MTA3: variants seen among roughly 807,000 people sequenced by gnomAD.
MTA3 encodes metastasis-associated protein MTA3.
A neutral mutation model predicts 83.5 loss-of-function variants in MTA3; 34 were observed. The observed-to-expected ratio is 0.41, with a 90% CI of 0.31 to 0.54. The LOEUF (loss-of-function observed/expected upper bound fraction) is 0.54, where lower values mean the gene tolerates loss of function less well. MTA3 is among the 20% of genes least tolerant of loss of function. MTA3 has a pLI of 0.33. For synonymous variants in MTA3, 303 were observed against 252.7 expected, an observed-to-expected ratio of 1.20 and a Z score of -1.89; for missense variants, 761 against 726.4, an observed-to-expected ratio of 1.05 and a Z score of -0.55.
chr2:42,679,643 A>G (rs2104430056), intron 8 of MTA3, among the ~76,000 whole-genome samples: 1 of 152,372 alleles, frequency 6.6e-6, no homozygotes, highest in African/African-American at 2.4e-5. Context: ...TGTGTCACAC[A>G]GATCTCTCCA....
At chr2:42,714,031 C>A (rs1182031338) in intron 14 of MTA3, among the ~76,000 whole-genome samples, 4 of 152,204 alleles carry the variant, frequency 2.6e-5, no homozygotes, top group Non-Finnish European at 5.9e-5. Flanking sequence ...GTCCCACTCA[C>A]AACATCTAGA....
At chr2:42,617,538 A>T (rs947499917) in intron 4 of MTA3, among the ~76,000 whole-genome samples, 1 of 152,096 alleles carries the variant, frequency 6.6e-6, no homozygotes, top group Non-Finnish European at 1.5e-5. Flanking sequence ...GAGGCCGGGC[A>T]TGGTGGCTCA....
intron 8 of MTA3, among the ~76,000 whole-genome samples, chr2:42,670,887 C>G (rs1448312310): frequency 6.6e-6 from 1 of 151,848 alleles, no homozygotes; most frequent in Non-Finnish European, 1.5e-5. Flanking sequence ...GTATAATAAT[C>G]GGACTCAGGA....
At chr2:42,499,972 A>AG (rs1266557323) in intron 2 of MTA3, among the ~76,000 whole-genome samples, 3 of 151,514 alleles carry the variant, frequency 2.0e-5, no homozygotes, top group Non-Finnish European at 2.9e-5. Flanking sequence ...AAAAAAAAAA[A>AG]AGAGAGAGAG....
chr2:42,494,417 G>C (rs527598380), upstream of MTA3, among the ~76,000 whole-genome samples: 12 of 152,350 alleles, frequency 7.9e-5, no homozygotes, highest in East Asian at 2.3e-3. Context: ...GAAACTGTCC[G>C]GAGCCCAGCT....
chr2:42,728,780 CT>C (rs1668003842), intron 16 of MTA3, among the ~76,000 whole-genome samples: 1 of 152,004 alleles, frequency 6.6e-6, no homozygotes, highest in Non-Finnish European at 1.5e-5. Context: ...CTTTTCACAC[CT>C]TTTGCCCATT....
At chr2:42,660,664 A>G (rs1689609738) in intron 8 of MTA3, among the ~76,000 whole-genome samples, 1 of 152,214 alleles carries the variant, frequency 6.6e-6, no homozygotes, top group Non-Finnish European at 1.5e-5. Flanking sequence ...TACACACGAG[A>G]AAACTGAGTT....
At position 42,695,785 on chromosome 2, in the gene MTA3, T is replaced by G; in HGVS notation, c.912T>G (p.Thr304=). 6.4e-7 allele frequency: 1 copy of G among 1,574,642 alleles called. No individual in the cohort carries two copies. The highest frequency in any genetic ancestry group is 8.6e-7 in the Non-Finnish European group (1 of 1,159,766). The stretch of plus-strand genomic sequence containing the variant: ...TTCAGCTTCCTTGGAAATCATTGAC[T>G]AGCATCATTGAATATTATTACATGT... ...RQDFLPWKSL[T]SIIEYYYMWK... is the part of the protein sequence containing the mutation. The change falls in exon 10 of 17, where the codon ACT becomes ACG. Residue 304 remains threonine (T), a synonymous_variant. Coordinates refer to ENST00000405094, the MANE Select transcript of MTA3 (RefSeq NM_001330442.2).
At chr2:42,541,360 C>T (rs1396340456) in intron 2 of MTA3, among the ~76,000 whole-genome samples, 2 of 152,148 alleles carry the variant, frequency 1.3e-5, no homozygotes, top group African/African-American at 2.4e-5. Flanking sequence ...TTTTCCCAGG[C>T]TTATTGTGAT....
chr2:42,629,267 G>C (rs1306706869), intron 4 of MTA3, among the ~76,000 whole-genome samples: 2 of 152,000 alleles, frequency 1.3e-5, no homozygotes, highest in Non-Finnish European at 2.9e-5. Flanking sequence ...CTTTAGTAGA[G>C]ACAGGGTTTC....
rs1683777970 is a variant in MTA3, at chr2:42,608,509, AG to A, written c.191-948del. On this transcript the variant is annotated intron_variant, in intron 3 of 16. Transcript: ENST00000405094. ...AGTTTTAAAAGTTTGAAAGTAGAAAAGATCTGATACTTACTCCATTCATTAC... is the reference window on the plus strand; with the variant it reads ...AGTTTTAAAAGTTTGAAAGTAGAAAAATCTGATACTTACTCCATTCATTAC... Among the ~76,000 whole-genome samples, 4 of 152,326 alleles carry A rather than the reference AG, an allele frequency of 2.6e-5. No individual in the cohort carries two copies. The South Asian group carries it at 8.3e-4, about 32-fold the overall frequency.
chr2:42,547,861 C>T (rs1676829401), intron 2 of MTA3, among the ~76,000 whole-genome samples: 1 of 151,396 alleles, frequency 6.6e-6, no homozygotes, highest in Non-Finnish European at 1.5e-5. Flanking sequence ...CCCTGTGGTC[C>T]TGACTTAGCT....
Position 42,609,405 on chromosome 2 carries a change from C to T in MTA3, c.191-53C>T, listed in dbSNP as rs1157424117. 13 of 1,531,712 alleles carry T rather than the reference C, an allele frequency of 8.5e-6. No homozygotes were observed. In the East Asian group the frequency reaches 2.7e-4, roughly 32 times the overall value. 94.9% of individuals were successfully genotyped at this position (1,531,712 alleles called of 1,614,324 possible). A position where few individuals can be genotyped will look rare whatever the true frequency, so the allele number is the denominator to read the frequency against. ...TGTTGATTTGATCTGTTTCAATATCCAAACAGATAATGTGCTTTGTACTAA... is the reference window on the plus strand; with the variant it reads ...TGTTGATTTGATCTGTTTCAATATCTAAACAGATAATGTGCTTTGTACTAA... On this transcript the variant is annotated intron_variant, in intron 3 of 16. Coordinates refer to ENST00000405094, the MANE Select transcript of MTA3 (RefSeq NM_001330442.2).
chr2:42,583,920 C>T (rs924401754), intron 3 of MTA3, among the ~76,000 whole-genome samples: 4 of 151,690 alleles, frequency 2.6e-5, no homozygotes, highest in Non-Finnish European at 5.9e-5. Flanking sequence ...CTCAGCTCAA[C>T]GTAACCTCCA....
chr2:42,701,979 G>A (rs1169816251), intron 11 of MTA3, among the ~76,000 whole-genome samples: 1 of 151,934 alleles, frequency 6.6e-6, no homozygotes, highest in South Asian at 2.1e-4. Flanking sequence ...GGGAGGCTGA[G>A]GTGGGCAGAT....
At chr2:42,573,538 T>G (rs987659463) in intron 2 of MTA3, among the ~76,000 whole-genome samples, 2 of 152,154 alleles carry the variant, frequency 1.3e-5, no homozygotes, top group Non-Finnish European at 2.9e-5. Context: ...TGCTATGGAT[T>G]CTTGCTCTGT....
chr2:42,692,726 C>T (rs113876417), intron 9 of MTA3, among the ~76,000 whole-genome samples: 2,193 of 152,288 alleles, frequency 0.014, 54 homozygotes, highest in African/African-American at 0.049. Context: ...TGTGCCCAGC[C>T]AGCTATTTTG....
chr2:42,631,629 A>G (rs956722914), intron 4 of MTA3, among the ~76,000 whole-genome samples: 2 of 152,198 alleles, frequency 1.3e-5, no homozygotes, highest in Admixed American at 6.6e-5. Flanking sequence ...TGTCCCCTCA[A>G]GCATTCATAC....
At chr2:42,495,633 T>C (rs537246049) in intron 2 of MTA3, among the ~76,000 whole-genome samples, 5 of 152,162 alleles carry the variant, frequency 3.3e-5, no homozygotes, top group African/African-American at 1.2e-4. Flanking sequence ...AGGTTTAAAG[T>C]CTGTGAAGAA....
Sources: gnomAD v4.1 joint callset for allele counts (sites outside exome capture counted in the v4.1 genomes callset) on GRCh38, gnomAD v4.1.1 for gene constraint, MANE v1.5 for transcripts, NCBI Gene and HGNC (gene_info 2026-07-23, HGNC 2026-07-21) for gene names.